The following ATP2C2 variants were observed in gnomAD, a reference collection of about 807,000 sequenced individuals.
ATP2C2 encodes the protein calcium-transporting ATPase type 2C member 2.
In ATP2C2, 171 loss-of-function variants were observed where a neutral mutation model predicts 110.8. That is an observed-to-expected ratio of 1.54 (90% CI 1.36 to 1.75). The LOEUF (loss-of-function observed/expected upper bound fraction) is 1.75. Among genes scored for constraint, ATP2C2 ranks in the 40% most tolerant of loss-of-function variants. The pLI is 0.00. For missense variants in ATP2C2, 1,963 were observed against 1,235.0 expected (o/e 1.59, Z -8.84); for synonymous variants, 804 against 508.4 (o/e 1.58, Z -7.82).
At chr16:84,430,639 CAAAAAAAA>C (rs566290549) in intron 11 of ATP2C2, among the ~76,000 whole-genome samples, 8 of 123,540 alleles carry the variant, frequency 6.5e-5, no homozygotes, top group African/African-American at 2.5e-4. Flanking sequence ...GACACCATCT[CAAAAAAAA>C]AAAAAAAAAA....
At chr16:84,447,282 G>A (rs1909838568) in intron 16 of ATP2C2, among the ~76,000 whole-genome samples, 1 of 151,978 alleles carries the variant, frequency 6.6e-6, no homozygotes, top group South Asian at 2.1e-4. Context: ...ACATTTCAGG[G>A]GCTTAGAAGG....
chr16:84,459,183 G>A lies in ATP2C2; in HGVS notation c.2211G>A (p.Leu737=), dbSNP rs1019140041. The change falls in exon 22 of 27, where the codon CTG becomes CTA. Residue 737 remains leucine, a synonymous_variant. Transcript: ENST00000262429. ...YNIKNFVRFQ[L]STSISALSLI... is the part of the protein sequence containing the mutation. Reference sequence around the variant, plus strand: ...TCAAAAACTTTGTCCGATTCCAGCTGAGCACGTAAGTAGAGGCCAGCATTC... The same window carrying A: ...TCAAAAACTTTGTCCGATTCCAGCTAAGCACGTAAGTAGAGGCCAGCATTC... 1.2e-6 allele frequency: 2 copies of A among 1,614,076 alleles called. No homozygotes were observed.
At chr16:84,406,609 GTTAT>G in intron 3 of ATP2C2, 2 of 985,626 alleles carry the variant, frequency 2.0e-6, no homozygotes, top group Non-Finnish European at 2.4e-6. Context: ...TTCTGGGAAT[GTTAT>G]TCATCGATGC....
intron 1 of ATP2C2, among the ~76,000 whole-genome samples, chr16:84,376,885 G>C (rs1308792853): frequency 6.6e-6 from 1 of 152,232 alleles, no homozygotes; most frequent in Admixed American, 6.5e-5. Context: ...ATGCCAGTGA[G>C]GCTGGCCCTG....
intron 16 of ATP2C2, 62 bp downstream of exon 16, chr16:84,446,492 A>G (rs2033573549): frequency 1.7e-6 from 2 of 1,168,586 alleles, no homozygotes; most frequent in African/African-American, 1.6e-5. Flanking sequence ...CCAGAGATAA[A>G]GCAAAATGCA....
intron 1 of ATP2C2, among the ~76,000 whole-genome samples, chr16:84,377,957 C>T (rs1910345723): frequency 1.3e-5 from 2 of 152,132 alleles, no homozygotes; most frequent in South Asian, 4.1e-4. Flanking sequence ...ATGACCTTCC[C>T]TAAGACCTCC....
Position 84,463,566 on chromosome 16 carries a change from A to C in ATP2C2, c.2723-48A>C, listed in dbSNP as rs755047737. ...AGGGAAGGCGCTTCCTGCCGGCGCA[A>C]CAGAGCTGCAGCCCGTCCTGAATCT... On this transcript the variant is annotated intron_variant, in intron 26 of 26. Coordinates refer to ENST00000262429, the MANE Select transcript of ATP2C2 (RefSeq NM_014861.4). 2.0e-6 allele frequency: 3 copies of C among 1,535,442 alleles called. No individual in the cohort carries two copies. The African/African-American group carries it at 4.1e-5, about 21-fold the overall frequency.
At chr16:84,422,182 T>G (rs577112424) in intron 7 of ATP2C2, among the ~76,000 whole-genome samples, 120 of 152,234 alleles carry the variant, frequency 7.9e-4, no homozygotes, top group Admixed American at 1.4e-3. Context: ...AGCAAAGATA[T>G]GAGACTTTTA....
chr16:84,448,457 G>A (rs1909959785), intron 16 of ATP2C2, 76 bp from the exon 17 acceptor site: 1 of 1,496,584 alleles, frequency 6.7e-7, no homozygotes, highest in South Asian at 1.3e-5. Context: ...TTGTAACCTT[G>A]TGCAGAGTGG....
In ATP2C2 at chr16:84,459,228, C is replaced by A. The variant is rs532484399; in HGVS notation, c.2216+40C>A. 2.5e-6 allele frequency: 4 copies of A among 1,613,986 alleles called. No individual in the cohort carries two copies. The South Asian group carries it at 3.3e-5, about 13-fold the overall frequency. On this transcript the variant is annotated intron_variant, in intron 22 of 26. Coordinates refer to ENST00000262429, the MANE Select transcript of ATP2C2 (RefSeq NM_014861.4). ...GCATTCCGAGTGTCATTAAGCACCA[C>A]GCCTGGCGGGCGGCCGCTGACTGGC...
chr16:84,437,266 C>T (rs1164665190), intron 11 of ATP2C2, among the ~76,000 whole-genome samples: 1 of 151,982 alleles, frequency 6.6e-6, no homozygotes, highest in Non-Finnish European at 1.5e-5. Flanking sequence ...TGGCCCACTG[C>T]AGCCTCAGCC....
chr16:84,409,762 C>G (rs1906107066), intron 4 of ATP2C2, among the ~76,000 whole-genome samples: 1 of 152,164 alleles, frequency 6.6e-6, no homozygotes, highest in Non-Finnish European at 1.5e-5. Flanking sequence ...CTTGGTCTCC[C>G]AAATAGCTGG....
chr16:84,408,550 C>T (rs1905988954), intron 4 of ATP2C2, 56 bp downstream of exon 4: 1 of 1,396,384 alleles, frequency 7.2e-7, no homozygotes, highest in African/African-American at 1.4e-5. Context: ...TCTGCTGAGT[C>T]TCTGCTTGTT....
chr16:84,438,947 G>C, intron 11 of ATP2C2: 1 of 534,898 alleles, frequency 1.9e-6, no homozygotes, highest in Non-Finnish European at 3.2e-6. Context: ...ACTGACAGGA[G>C]AGGTCCCTTC....
intron 13 of ATP2C2, among the ~76,000 whole-genome samples, chr16:84,440,313 C>T (rs1272455016): frequency 6.6e-6 from 1 of 152,356 alleles, no homozygotes; most frequent in East Asian, 1.9e-4. Flanking sequence ...TGGAAGCTCT[C>T]TGAATGTGCA....
rs148195983 is a variant in ATP2C2 at position 84,453,685 on chromosome 16, C to T, written c.1980+314C>T. ...AGCTGCAGGGGATGCTGGGAAGTGT[C>T]ATCTGTAGCTGGGCGGACACGAGCC... On this transcript the variant is annotated intron_variant, in intron 20 of 26. Transcript: ENST00000262429. Among the ~76,000 whole-genome samples, 652 of 152,262 alleles carry T rather than the reference C, an allele frequency of 4.3e-3. 5 individuals carry two copies. The highest frequency in any genetic ancestry group is 0.015 in the African/African-American group (639 of 41,544).
intron 11 of ATP2C2, among the ~76,000 whole-genome samples, chr16:84,431,554 A>T (rs4782961): frequency 0.15 from 22,487 of 151,692 alleles, 2,297 homozygotes; most frequent in East Asian, 0.35. Flanking sequence ...AGGGAGGGTT[A>T]TGGGTAGAGA....
At chr16:84,428,685 G>T (rs1310358833) in intron 11 of ATP2C2, among the ~76,000 whole-genome samples, 2 of 151,952 alleles carry the variant, frequency 1.3e-5, no homozygotes, top group Non-Finnish European at 2.9e-5. Context: ...GTCATAATAA[G>T]TTCATCTCTT....
chr16:84,395,758 C>A (rs147884648), intron 1 of ATP2C2, among the ~76,000 whole-genome samples: 3 of 151,370 alleles, frequency 2.0e-5, no homozygotes. Context: ...CCTCAGCTTC[C>A]CAAAGTGCTG....
Sources: allele counts gnomAD v4.1 joint callset (sites outside exome capture counted in the v4.1 genomes callset), GRCh38; gene constraint gnomAD v4.1.1; transcripts MANE v1.5; gene names NCBI Gene and HGNC (gene_info 2026-07-23, HGNC 2026-07-21).